The following BCOR variants were observed in gnomAD, a reference collection of about 807,000 sequenced individuals.
BCOR encodes the protein BCL6 corepressor.
A neutral mutation model predicts 86.7 loss-of-function variants in BCOR; 10 were observed. The ratio of observed to expected loss-of-function variants is 0.12; its 90% CI spans 0.07 to 0.20. BCOR has a LOEUF of 0.20. Among genes scored for constraint, BCOR ranks in the 10% least tolerant of loss-of-function variants. The probability of loss-of-function intolerance (pLI) is 1.00; values close to 1 mark genes in which losing one functional copy is unlikely to be tolerated. For missense variants in BCOR, 1,259 were observed against 1,452.1 expected, an observed-to-expected ratio of 0.87 and a Z score of 2.16; for synonymous variants, 611 against 609.0, an observed-to-expected ratio of 1.00 and a Z score of -0.05.
At chrX:40,064,129 C>A (rs754152043) in intron 7 of BCOR, among the ~76,000 whole-genome samples, 177 bp from the exon 8 acceptor site, 2 of 108,820 alleles carry the variant, frequency 1.8e-5, no homozygotes, top group Non-Finnish European at 3.8e-5. Flanking sequence ...GAGGTGTGGG[C>A]GGCTCCCCCC....
At chrX:40,125,730 C>T (rs1937530838) in intron 1 of BCOR, among the ~76,000 whole-genome samples, 1 of 112,358 alleles carries the variant, frequency 8.9e-6, no homozygotes. Flanking sequence ...AGATAGAATA[C>T]ATTGTTATTG....
chrX:40,101,414 G>A (rs1209447854), upstream of BCOR, among the ~76,000 whole-genome samples: 7 of 112,822 alleles, frequency 6.2e-5, no homozygotes, highest in Non-Finnish European at 1.3e-4. Flanking sequence ...TGCAGCCCAC[G>A]GAGAAATAAA....
At chrX:40,146,217 GGGCGCGGGGCTCCGCTCCCGCGGAGGCGC>G (rs1185897479) in intron 1 of BCOR, among the ~76,000 whole-genome samples, 1 of 111,940 alleles carries the variant, frequency 8.9e-6, no homozygotes, top group Non-Finnish European at 1.9e-5. Flanking sequence ...CGCGGAGGCG[GGGCGCGGGGCTCCGCTCCCGCGGAGGCGC>G]GGAGCCGGGG....
chrX:40,152,723 G>A (rs1266273721), intron 1 of BCOR, among the ~76,000 whole-genome samples: 3 of 113,011 alleles, frequency 2.7e-5, no homozygotes, highest in Non-Finnish European at 5.6e-5. Flanking sequence ...GTGCTGCGGG[G>A]AGGGGAGGGA....
chrX:40,124,528 G>T (rs1178951445), intron 1 of BCOR, among the ~76,000 whole-genome samples: 5 of 111,325 alleles, frequency 4.5e-5, no homozygotes, highest in Non-Finnish European at 7.5e-5. Flanking sequence ...TTCCCAAAGT[G>T]CTGGGATTAC....
intron 1 of BCOR, among the ~76,000 whole-genome samples, chrX:40,117,982 C>CTCTCTCT (rs1937421724): frequency 2.0e-5 from 2 of 101,403 alleles, no homozygotes; most frequent in African/African-American, 7.6e-5. Context: ...CTCTCTCTCT[C>CTCTCTCT]CACCCCCCCC....
At chrX:40,151,198 G>T (rs1602268074) in intron 1 of BCOR, among the ~76,000 whole-genome samples, 3 of 112,545 alleles carry the variant, frequency 2.7e-5, no homozygotes, top group East Asian at 5.6e-4. Context: ...TGGCATGTGG[G>T]TGGATTAGGC....
At chrX:40,139,663 T>C (rs1937872981) in intron 1 of BCOR, among the ~76,000 whole-genome samples, 1 of 99,871 alleles carries the variant, frequency 1.0e-5, no homozygotes, top group Non-Finnish European at 2.0e-5. Flanking sequence ...TACAAAAAAT[T>C]AGCCCAGCGT....
Position 40,087,082 on chromosome X carries a change from TTGGTTTCCA to T in BCOR, c.-40-9122_-40-9114del, listed in dbSNP as rs779273610. 5.7e-4 allele frequency among the ~76,000 whole-genome samples: 65 copies of T among 113,087 alleles called. No individual in the cohort carries two copies. In the Middle Eastern group the frequency reaches 0.023, roughly 40 times the overall value. On this transcript the variant is annotated intron_variant, in intron 1 of 14. Transcript: ENST00000378444. ...ATAAAGGTTGTGGAGACTCGCAGGG[TTGGTTTCCA>T]TGCTCAGCAAAGTGGGGTCTGGCCG... is the stretch of plus-strand genomic sequence containing the variant.
intron 1 of BCOR, among the ~76,000 whole-genome samples, chrX:40,122,713 A>T (rs4308866): frequency 1.8e-5 from 2 of 110,789 alleles, no homozygotes; most frequent in Non-Finnish European, 1.9e-5. Flanking sequence ...CAGGCCTGTG[A>T]CTGGATATTC....
intron 1 of BCOR, among the ~76,000 whole-genome samples, chrX:40,096,865 C>T (rs1186274423): frequency 9.5e-6 from 1 of 105,293 alleles, no homozygotes; most frequent in Non-Finnish European, 2.0e-5. Flanking sequence ...CGACTCGCGG[C>T]GCTCAGCGGC....
At chrX:40,089,092 CA>C (rs1166221098) in intron 1 of BCOR, among the ~76,000 whole-genome samples, 2 of 111,772 alleles carry the variant, frequency 1.8e-5, no homozygotes, top group African/African-American at 6.5e-5. Context: ...TCCCAGGACA[CA>C]GGCCTAGCAA....
chrX:40,058,509 G>A (rs1295747915), intron 10 of BCOR, among the ~76,000 whole-genome samples: 1 of 111,686 alleles, frequency 9.0e-6, no homozygotes, highest in Non-Finnish European at 1.9e-5. Context: ...CCTAAAATAG[G>A]CAGCATTTGA....
rs760848848 is a variant in BCOR, at chrX:40,168,918, C to CCCCG, written c.-41+8085_-41+8088dup. Among the ~76,000 whole-genome samples the CCCCG allele has an allele frequency of 3.9e-3, 442 of 112,794 alleles. 3 individuals are homozygous for CCCCG. Among genetic ancestry groups the CCCCG allele is most frequent in the African/African-American group, 0.011 (344 of 31,219 alleles). On this transcript the variant is annotated intron_variant, in intron 1 of 14. Coordinates refer to the BCOR transcript ENST00000342274. ...CAGGCGCTTCGTGCCTCCTGGCCTC[C>CCCCG]CCCGCCCGCCCGCCCTGGCCGGCGC...
chrX:40,064,159 C>A (rs1398578376), intron 7 of BCOR, among the ~76,000 whole-genome samples, 177 bp downstream of exon 7: 1 of 110,488 alleles, frequency 9.1e-6, no homozygotes, highest in Non-Finnish European at 1.9e-5. Flanking sequence ...AGGGTGGGAA[C>A]CTCACGAGGC....
chrX:40,057,416 G>T, intron 10 of BCOR, 95 bp from the exon 11 acceptor site: 1 of 955,681 alleles, frequency 1.0e-6, no homozygotes, highest in Non-Finnish European at 1.5e-6. Context: ...ACACCCTCAG[G>T]CCTGAGAACC....
chrX:40,104,734 G>GGGAGCTGAAACCGCCCAGC (rs1455537607), intron 1 of BCOR, among the ~76,000 whole-genome samples: 1 of 113,071 alleles, frequency 8.8e-6, no homozygotes, highest in East Asian at 2.8e-4. Flanking sequence ...ATTGTCCCTG[G>GGGAGCTGAAACCGCCCAGC]GGAGCTGAAA....
At chrX:40,158,262 G>A (rs894241190) in intron 1 of BCOR, among the ~76,000 whole-genome samples, 1 of 112,611 alleles carries the variant, frequency 8.9e-6, no homozygotes, top group African/African-American at 3.2e-5. Flanking sequence ...CCCTGGGACA[G>A]CGCGCGCCCC....
chrX:40,077,161 G>C (rs1469345682), intron 2 of BCOR: 3 of 162,291 alleles, frequency 1.8e-5, no homozygotes, highest in African/African-American at 3.2e-5. Context: ...CTGCACATCT[G>C]TGCCAGGCTG....
Sources: allele counts gnomAD v4.1 joint callset (sites outside exome capture counted in the v4.1 genomes callset), GRCh38; gene constraint gnomAD v4.1.1; transcripts MANE v1.5; gene names NCBI Gene and HGNC (gene_info 2026-07-23, HGNC 2026-07-21).